Variants in KCTD8 observed in about 807,000 individuals in gnomAD.
The protein encoded by KCTD8 is BTB/POZ domain-containing protein KCTD8.
Under a neutral mutation model 31.5 loss-of-function variants are expected in KCTD8, and 27 were observed. The observed-to-expected ratio is 0.86, with a 90% CI of 0.63 to 1.18. KCTD8 has a LOEUF of 1.18. Ranked by LOEUF, KCTD8 falls within the 50% of genes most tolerant of loss-of-function variation. The probability of loss-of-function intolerance (pLI) is 0.00; values close to 1 mark genes in which losing one functional copy is unlikely to be tolerated. For missense variants in KCTD8, 658 were observed against 647.7 expected (o/e 1.02, Z -0.17); for synonymous variants, 290 against 280.0 (o/e 1.04, Z -0.36).
intron 1 of KCTD8, among the ~76,000 whole-genome samples, chr4:44,339,092 G>A (rs1266468222): frequency 6.6e-6 from 1 of 152,114 alleles, no homozygotes; most frequent in Non-Finnish European, 1.5e-5. Context: ...ATTGTAATAT[G>A]GTTGCCTTCT....
chr4:44,412,083 T>A (rs1720974643), intron 1 of KCTD8, among the ~76,000 whole-genome samples: 1 of 152,148 alleles, frequency 6.6e-6, no homozygotes, highest in Non-Finnish European at 1.5e-5. Context: ...GTGAAAGCAC[T>A]ATGTAATAAC....
At chr4:44,308,441 A>G (rs1423018557) in intron 1 of KCTD8, among the ~76,000 whole-genome samples, 1 of 152,096 alleles carries the variant, frequency 6.6e-6, no homozygotes, top group Non-Finnish European at 1.5e-5. Flanking sequence ...ACTAATAATA[A>G]ACTATCAGAA....
At chr4:44,238,056 A>C (rs892160100) in intron 1 of KCTD8, among the ~76,000 whole-genome samples, 4 of 152,088 alleles carry the variant, frequency 2.6e-5, no homozygotes, top group Non-Finnish European at 4.4e-5. Flanking sequence ...GGATATCTAA[A>C]CTTTTCTTCT....
chr4:44,323,371 G>A (rs1208969524), intron 1 of KCTD8, among the ~76,000 whole-genome samples: 1 of 151,700 alleles, frequency 6.6e-6, no homozygotes, highest in Non-Finnish European at 1.5e-5. Flanking sequence ...GCTGGCGCCT[G>A]TAATCCCAGC....
rs565164601 is a variant in KCTD8 at position 44,222,129 on chromosome 4, A to T, written c.962-46879T>A. The stretch of plus-strand genomic sequence containing the variant: ...TTACATTTTTATTAAAACCTAAAGT[A>T]GAATTCACTCAGAGAAGCAGAATTG... On this transcript the variant is annotated intron_variant, in intron 1 of 1. Coordinates refer to ENST00000360029, the MANE Select transcript of KCTD8 (RefSeq NM_198353.3). Among the ~76,000 whole-genome samples, 38 of 152,362 alleles carry T rather than the reference A, an allele frequency of 2.5e-4. 2 individuals are homozygous for T. In the South Asian group the frequency reaches 7.7e-3, roughly 31 times the overall value.
chr4:44,437,881 C>A (rs1468237986), intron 1 of KCTD8, among the ~76,000 whole-genome samples: 3 of 152,090 alleles, frequency 2.0e-5, no homozygotes, highest in Admixed American at 6.5e-5. Flanking sequence ...ATCTCTTTCT[C>A]TTTTACTCTA....
chr4:44,186,024 C>T (rs1025213610), intron 1 of KCTD8, among the ~76,000 whole-genome samples: 8 of 152,126 alleles, frequency 5.3e-5, no homozygotes, highest in Admixed American at 3.9e-4. Context: ...AGACAGGCAC[C>T]CCTGTTTTCG....
At chr4:44,261,749 C>T (rs1716189227) in intron 1 of KCTD8, among the ~76,000 whole-genome samples, 1 of 151,948 alleles carries the variant, frequency 6.6e-6, no homozygotes, top group Admixed American at 6.6e-5. Flanking sequence ...AATCCTATCA[C>T]AAATGGCAGG....
chr4:44,247,462 G>C (rs1715699339), intron 1 of KCTD8, among the ~76,000 whole-genome samples: 1 of 149,380 alleles, frequency 6.7e-6, no homozygotes, highest in East Asian at 2.0e-4. Flanking sequence ...GTGTGTGTGC[G>C]TGTGTGTGTG....
At chr4:44,320,170 CAAA>C (rs35250421) in intron 1 of KCTD8, among the ~76,000 whole-genome samples, 5,639 of 30,510 alleles carry the variant, frequency 0.18, 34 homozygotes, top group Non-Finnish European at 0.24. Flanking sequence ...GCCTCCATCT[CAAA>C]AAAAAAAAAA....
At position 44,321,290 on chromosome 4, in the gene KCTD8, CA is replaced by C. The variant is rs199851663; in HGVS notation, c.961+126272del. Among the ~76,000 whole-genome samples the C allele has an allele frequency of 5.5e-4, 84 of 152,222 alleles. 1 individual carries two copies. In the East Asian group the frequency reaches 7.0e-3, roughly 13 times the overall value. On this transcript the variant is annotated intron_variant, in intron 1 of 1. Coordinates refer to ENST00000360029, the MANE Select transcript of KCTD8 (RefSeq NM_198353.3). ...CACCAAGGACCTTACAAACAGTATG[CA>C]CTTGATATCATTTGTTGACTTAACT...
At chr4:44,360,815 A>G (rs1201229685) in intron 1 of KCTD8, among the ~76,000 whole-genome samples, 1 of 152,028 alleles carries the variant, frequency 6.6e-6, no homozygotes, top group Non-Finnish European at 1.5e-5. Flanking sequence ...TCTCTTAAAA[A>G]TGCAATCTAC....
chr4:44,298,902 A>C (rs1209339838), intron 1 of KCTD8, among the ~76,000 whole-genome samples: 1 of 152,238 alleles, frequency 6.6e-6, no homozygotes, highest in Non-Finnish European at 1.5e-5. Flanking sequence ...AGCTATTCAC[A>C]TAAAAATGGA....
chr4:44,259,174 TCTTTC>T (rs1191537390), intron 1 of KCTD8, among the ~76,000 whole-genome samples: 1 of 151,910 alleles, frequency 6.6e-6, no homozygotes, highest in Non-Finnish European at 1.5e-5. Context: ...CCAAGCAGTT[TCTTTC>T]CTTTCGTCTG....
intron 1 of KCTD8, among the ~76,000 whole-genome samples, chr4:44,423,073 G>A (rs948651799): frequency 6.6e-6 from 1 of 152,052 alleles, no homozygotes; most frequent in African/African-American, 2.4e-5. Flanking sequence ...GGGAACATCT[G>A]AAAATCTGGG....
intron 1 of KCTD8, among the ~76,000 whole-genome samples, chr4:44,200,248 C>G (rs2109338818): frequency 6.6e-6 from 1 of 151,400 alleles, no homozygotes; most frequent in Admixed American, 6.6e-5. Flanking sequence ...GAACTGGTAC[C>G]AATCATACTG....
intron 1 of KCTD8, among the ~76,000 whole-genome samples, chr4:44,378,248 T>TAC (rs386399953): frequency 6.8e-6 from 1 of 147,458 alleles, no homozygotes; most frequent in Non-Finnish European, 1.5e-5. Context: ...AATATATATA[T>TAC]ATATATATAT....
At chr4:44,407,379 C>T (rs6811534) in intron 1 of KCTD8, among the ~76,000 whole-genome samples, 3,211 of 151,082 alleles carry the variant, frequency 0.021, 75 homozygotes, top group African/African-American at 0.05. Context: ...TTTTTCTTTT[C>T]TCTTTTTTTC....
chr4:44,328,279 T>C (rs2109410729), intron 1 of KCTD8, among the ~76,000 whole-genome samples: 1 of 152,078 alleles, frequency 6.6e-6, no homozygotes, highest in Non-Finnish European at 1.5e-5. Flanking sequence ...AACCAAATCA[T>C]TGGTTAATTT....
Sources: gnomAD v4.1 joint callset for allele counts (sites outside exome capture counted in the v4.1 genomes callset) on GRCh38, gnomAD v4.1.1 for gene constraint, MANE v1.5 for transcripts, NCBI Gene and HGNC (gene_info 2026-07-23, HGNC 2026-07-21) for gene names.